Variants in PCDHGA7 observed in about 807,000 individuals in gnomAD.
The protein encoded by PCDHGA7 is protocadherin gamma-A7.
Under a neutral mutation model 58.3 loss-of-function variants are expected in PCDHGA7, and 44 were observed. That is an observed-to-expected ratio of 0.75 (90% CI 0.59 to 0.97). The LOEUF is 0.97. Ranked by LOEUF, PCDHGA7 falls within the 50% of genes least tolerant of loss-of-function variation. The probability of loss-of-function intolerance (pLI) is 0.00; values close to 1 mark genes in which losing one functional copy is unlikely to be tolerated. For missense variants in PCDHGA7, 1,266 were observed against 1,188.7 expected (o/e 1.06, Z -0.96); for synonymous variants, 516 against 504.2 (o/e 1.02, Z -0.31).
In PCDHGA7 at chr5:141,431,892, A is replaced by G. The variant is rs1456048000; in HGVS notation, c.2424+46569A>G. The G allele has an allele frequency of 2.1e-5, 34 of 1,614,054 alleles. No homozygotes were observed. Among genetic ancestry groups the G allele is most frequent in the Non-Finnish European group, 2.7e-5 (32 of 1,179,972 alleles). ...AATGTAAATGACCAAGATTCTGAGG[A>G]AAACGGACAGGTGATCTGTTTCATC... is the stretch of plus-strand genomic sequence containing the variant. On this transcript the variant is annotated intron_variant, in intron 1 of 3. Transcript: ENST00000518325. The surrounding 1 kb of genome is among the most constrained non-coding windows in gnomAD (Gnocchi z 4.8).
intron 1 of PCDHGA7, among the ~76,000 whole-genome samples, chr5:141,449,762 G>T (rs909809198): frequency 6.6e-6 from 1 of 151,458 alleles, no homozygotes; most frequent in Non-Finnish European, 1.5e-5. Context: ...ACATTTGAGA[G>T]TAAGTTGTAG....
At position 141,383,836 on chromosome 5, in the gene PCDHGA7, G is replaced by T. The variant is rs753167153; in HGVS notation, c.937G>T (p.Ala313Ser). Residue 313 changes from alanine to serine, a missense_variant, in exon 1 of 4, where the codon GCC becomes TCC. By Grantham distance (99) the Ala-to-Ser change is moderately conservative. Coordinates refer to ENST00000518325, the MANE Select transcript of PCDHGA7 (RefSeq NM_018920.4). ...AGAAGGATTAGATTATGAAGAAACT[G>T]CCTTCTATGAAATGGAGGTTCAGGC... ...TLEGLDYEETAFYEMEVQAQD... is the reference protein window; with the variant it reads ...TLEGLDYEETSFYEMEVQAQD... 7 of 1,613,756 alleles carry T rather than the reference G, an allele frequency of 4.3e-6. No individual in the cohort carries two copies. The South Asian group carries it at 5.5e-5, about 13-fold the overall frequency.
In PCDHGA7 at chr5:141,490,113, C is replaced by G. The variant is rs2099696295; in HGVS notation, c.2425-4694C>G. Reference sequence around the variant, plus strand: ...ACCACACATCTGAGGCAGTGCGGAACCTCTTTGGCCTAGACCCTAGCAGTG... The same window carrying G: ...ACCACACATCTGAGGCAGTGCGGAAGCTCTTTGGCCTAGACCCTAGCAGTG... On this transcript the variant is annotated intron_variant, in intron 1 of 3. Transcript: ENST00000518325. This position sits in a 1 kb window ranked among gnomAD's most constrained non-coding sequence, Gnocchi z 5.4. 1 of 1,614,258 alleles carries G rather than the reference C, an allele frequency of 6.2e-7. No individual in the cohort carries two copies.
chr5:141,463,596 C>T (rs922480221), intron 1 of PCDHGA7, among the ~76,000 whole-genome samples: 5 of 151,874 alleles, frequency 3.3e-5, no homozygotes, highest in Admixed American at 2.0e-4. Flanking sequence ...CTACAGGTGC[C>T]TGCCACCATG....
intron 1 of PCDHGA7, chr5:141,428,211 C>T (rs777952475): frequency 2.2e-5 from 28 of 1,284,198 alleles, no homozygotes; most frequent in South Asian, 4.9e-5. Flanking sequence ...CTACGCTTCA[C>T]CTAGTCTTCG....
Position 141,477,514 on chromosome 5 carries a change from T to G in PCDHGA7, c.2425-17293T>G. 1 of 1,614,114 alleles carries G rather than the reference T, an allele frequency of 6.2e-7. No individual in the cohort carries two copies. Among genetic ancestry groups the G allele is most frequent in the Non-Finnish European group, 8.5e-7 (1 of 1,180,026 alleles). On this transcript the variant is annotated intron_variant, in intron 1 of 3. Coordinates refer to ENST00000518325, the MANE Select transcript of PCDHGA7 (RefSeq NM_018920.4). The surrounding 1 kb of genome is among the most constrained non-coding windows in gnomAD (Gnocchi z 4.9). Reference sequence around the variant, plus strand: ...CTCAATCTTCCTACGACGTTTACATTGAAGAAAACAACCTCCCCGGGGCTC... The same window carrying G: ...CTCAATCTTCCTACGACGTTTACATGGAAGAAAACAACCTCCCCGGGGCTC...
chr5:141,383,352 G>T lies in PCDHGA7; in HGVS notation c.453G>T (p.Arg151=), dbSNP rs115561507. Residue 151 remains arginine (R), a synonymous_variant, in exon 1 of 4, where the codon CGG becomes CGT. Coordinates refer to ENST00000518325, the MANE Select transcript of PCDHGA7 (RefSeq NM_018920.4). ...TGGAGAATACAGCTCCTGGGGTTCG[G>T]TTTCCGTTAAGCGAGGCTGGGGATC... The part of the protein sequence containing the change: ...KIMENTAPGV[R]FPLSEAGDPD... The T allele has an allele frequency of 9.3e-4, 1,504 of 1,614,018 alleles. 9 individuals carry two copies. In the African/African-American group the frequency reaches 0.016, roughly 17 times the overall value.
intron 1 of PCDHGA7, among the ~76,000 whole-genome samples, chr5:141,434,888 C>T (rs1287540129): frequency 6.6e-6 from 1 of 150,944 alleles, no homozygotes; most frequent in Non-Finnish European, 1.5e-5. Flanking sequence ...AACAACAATC[C>T]AGTCCCCTTC....
chr5:141,477,162 C>A lies in PCDHGA7; in HGVS notation c.2425-17645C>A, dbSNP rs147392557. ...GAGGTTGTGGATGTGAATGACAACG[C>A]CCCGGAGATCACAGTCACCTCCGTG... On this transcript the variant is annotated intron_variant, in intron 1 of 3. Transcript: ENST00000518325. This position sits in a 1 kb window ranked among gnomAD's most constrained non-coding sequence, Gnocchi z 4.9. 3.5e-5 allele frequency: 57 copies of A among 1,614,162 alleles called. No homozygotes were observed. The Middle Eastern group carries it at 9.9e-4, about 28-fold the overall frequency.
intron 1 of PCDHGA7, among the ~76,000 whole-genome samples, chr5:141,447,728 A>G (rs2098549955): frequency 6.6e-6 from 1 of 152,204 alleles, no homozygotes; most frequent in Non-Finnish European, 1.5e-5. Flanking sequence ...TCCAAAACTC[A>G]TTGAACTTAA....
intron 2 of PCDHGA7, among the ~76,000 whole-genome samples, chr5:141,504,443 A>C (rs1043353401): frequency 2.0e-5 from 3 of 152,070 alleles, no homozygotes; most frequent in African/African-American, 4.8e-5. Context: ...CAGTGTGACT[A>C]GTGCCATGTG....
At chr5:141,389,988 C>T (rs1348283803) in intron 1 of PCDHGA7, 7 of 1,613,918 alleles carry the variant, frequency 4.3e-6, no homozygotes, top group Non-Finnish European at 5.9e-6. Context: ...AGTGCTCTTC[C>T]TCGTGGCCAT....
intron 1 of PCDHGA7, chr5:141,428,082 G>T (rs776612130): frequency 1.2e-6 from 2 of 1,609,030 alleles, no homozygotes; most frequent in South Asian, 2.2e-5. Flanking sequence ...GGGACACAAC[G>T]CTTGGCTGTC....
chr5:141,420,123 G>A (rs1335693841), intron 1 of PCDHGA7: 1 of 1,613,968 alleles, frequency 6.2e-7, no homozygotes, highest in Non-Finnish European at 8.5e-7. Flanking sequence ...TATAATTTTT[G>A]TGTGCCTGGG....
intron 3 of PCDHGA7, among the ~76,000 whole-genome samples, chr5:141,509,022 C>G (rs2099873807): frequency 6.6e-6 from 1 of 152,206 alleles, no homozygotes; most frequent in East Asian, 1.9e-4. Context: ...CAGCTGCTCC[C>G]TCCCACTCAA....
chr5:141,477,482 C>G lies in PCDHGA7; in HGVS notation c.2425-17325C>G, dbSNP rs1168724444. On this transcript the variant is annotated intron_variant, in intron 1 of 3. Transcript: ENST00000518325. This position sits in a 1 kb window ranked among gnomAD's most constrained non-coding sequence, Gnocchi z 4.9. ...GTCCGACATCAATGACAACCCTCCA[C>G]AATCTTCTCAATCTTCCTACGACGT... 1 of 1,614,118 alleles carries G rather than the reference C, an allele frequency of 6.2e-7. No individual in the cohort carries two copies. The highest frequency in any genetic ancestry group is 1.1e-5 in the South Asian group (1 of 91,074).
chr5:141,404,183 G>T lies in PCDHGA7; in HGVS notation c.2424+18860G>T, dbSNP rs759576056. ...CAGATTGTTGACGGCCCAAATTCTT[G>T]ACCGAGAAAAAGCCTCAGAATATAA... On this transcript the variant is annotated intron_variant, in intron 1 of 3. Coordinates refer to ENST00000518325, the MANE Select transcript of PCDHGA7 (RefSeq NM_018920.4). 2.5e-6 allele frequency: 4 copies of T among 1,613,154 alleles called. No individual in the cohort carries two copies. In the South Asian group the frequency reaches 4.4e-5, roughly 18 times the overall value.
chr5:141,491,571 C>G lies in PCDHGA7; in HGVS notation c.2425-3236C>G. The G allele has an allele frequency of 6.2e-7, 1 of 1,614,026 alleles. No individual in the cohort carries two copies. The highest frequency in any genetic ancestry group is 8.5e-7 in the Non-Finnish European group (1 of 1,180,042). ...CGCAGAGCCACTGCTACAGGACGTG[C>G]TTTTCACCGGCCTCGGACGGCAGTG... On this transcript the variant is annotated intron_variant, in intron 1 of 3. Transcript: ENST00000518325. This position sits in a 1 kb window ranked among gnomAD's most constrained non-coding sequence, Gnocchi z 6.9.
chr5:141,495,034 A>C (rs986393420), intron 2 of PCDHGA7, 169 bp downstream of exon 2: 1 of 962,702 alleles, frequency 1.0e-6, no homozygotes, highest in Non-Finnish European at 1.2e-6. Context: ...CCCCGGAAGG[A>C]AGAGGCGACT....
Sources: allele counts gnomAD v4.1 joint callset (sites outside exome capture counted in the v4.1 genomes callset), GRCh38; gene constraint gnomAD v4.1.1; non-coding constraint Gnocchi (gnomAD v3.1); transcripts MANE v1.5; gene names NCBI Gene and HGNC (gene_info 2026-07-23, HGNC 2026-07-21).